Variants in FAM20C observed in about 807,000 individuals in gnomAD.
The protein encoded by FAM20C is FAM20C golgi associated secretory pathway kinase.
In FAM20C, 40 loss-of-function variants were observed where a neutral mutation model predicts 51.5. That is an observed-to-expected ratio of 0.78 (90% confidence interval 0.60 to 1.01). The LOEUF is 1.01. FAM20C is among the 50% of genes least tolerant of loss of function. The pLI, the probability that FAM20C is intolerant of heterozygous loss-of-function variation, is 0.00. For synonymous variants in FAM20C, 406 were observed against 380.6 expected, an observed-to-expected ratio of 1.07 and a Z score of -0.78; for missense variants, 861 against 844.7, an observed-to-expected ratio of 1.02 and a Z score of -0.24.
In FAM20C at chr7:212,569, C is replaced by T. The variant is rs142942917; in HGVS notation, c.863+3593C>T. Among the ~76,000 whole-genome samples the T allele has an allele frequency of 4.9e-3, 745 of 152,036 alleles. 10 individuals are homozygous for T. Among genetic ancestry groups the T allele is most frequent in the Middle Eastern group, 0.017 (5 of 292 alleles). ...ATTAGAGAGCACAGTGTTTCTCCTC[C>T]GAGGTGCTAGATGTGCGGTGAGAGG... On this transcript the variant is annotated intron_variant, in intron 3 of 9. Coordinates refer to ENST00000313766, the MANE Select transcript of FAM20C (RefSeq NM_020223.4).
intron 5 of FAM20C, among the ~76,000 whole-genome samples, chr7:253,189 G>GC (rs1016254758): frequency 4.6e-5 from 7 of 152,224 alleles, no homozygotes; most frequent in African/African-American, 1.7e-4. Context: ...CAGAGCCGCT[G>GC]CCCTAAGTAA....
At chr7:256,796 C>A in intron 7 of FAM20C, 33 bp downstream of exon 7, 1 of 1,523,450 alleles carries the variant, frequency 6.6e-7, no homozygotes, top group South Asian at 1.2e-5. Context: ...GTCCCCGTGT[C>A]ACTCGCCTTG....
rs1255493105 is a variant in FAM20C, at chr7:248,332, G to A, written c.974G>A (p.Arg325Gln). ...FHLDRILDFR[R>Q]VPPVAGRMVN... Reference sequence around the variant, plus strand: ...CTTGCCAGGATCCTGGACTTCCGCCGGGTCCCTCCCGTGGCCGGCAGGATG... The same window carrying A: ...CTTGCCAGGATCCTGGACTTCCGCCAGGTCCCTCCCGTGGCCGGCAGGATG... The change falls in exon 5 of 10, where the codon CGG (arginine) becomes CAG (glutamine). Residue 325 changes from arginine to glutamine, a missense_variant. By Grantham distance (43) the Arg-to-Gln change is conservative (BLOSUM62 1). Coordinates refer to ENST00000313766, the MANE Select transcript of FAM20C (RefSeq NM_020223.4). The A allele has an allele frequency of 2.6e-6, 4 of 1,536,984 alleles. No homozygotes were observed. The South Asian group carries it at 3.6e-5, about 14-fold the overall frequency.
intron 3 of FAM20C, among the ~76,000 whole-genome samples, chr7:245,222 G>A (rs1788104619): frequency 6.6e-6 from 1 of 152,248 alleles, no homozygotes; most frequent in African/African-American, 2.4e-5. Flanking sequence ...CTGGAGTGTT[G>A]GAGCCCAGAC....
At chr7:204,865 C>T (rs1786277668) in intron 2 of FAM20C, among the ~76,000 whole-genome samples, 1 of 151,260 alleles carries the variant, frequency 6.6e-6, no homozygotes, top group Admixed American at 6.6e-5. Context: ...GAAGTGGCAC[C>T]TGTGTGGCTC....
intron 3 of FAM20C, among the ~76,000 whole-genome samples, chr7:242,596 G>A (rs1366389983): frequency 1.3e-5 from 2 of 152,118 alleles, no homozygotes; most frequent in Admixed American, 6.5e-5. Context: ...TGGACAGTGG[G>A]CAGACACCAG....
chr7:213,194 G>A (rs920225817), intron 3 of FAM20C, among the ~76,000 whole-genome samples: 2 of 137,168 alleles, frequency 1.5e-5, no homozygotes, highest in African/African-American at 2.5e-5. Context: ...ATGGACGGCT[G>A]TGGAGTTGTG....
chr7:256,929 C>G (rs1788612384), intron 7 of FAM20C, 76 bp from the exon 8 acceptor site: 3 of 1,490,596 alleles, frequency 2.0e-6, no homozygotes, highest in Non-Finnish European at 2.7e-6. Context: ...AGACGCCGCT[C>G]TGCAGAGCAC....
At chr7:243,661 G>A (rs1788025301) in intron 3 of FAM20C, among the ~76,000 whole-genome samples, 1 of 5,414 alleles carries the variant, frequency 1.8e-4, no homozygotes, top group Non-Finnish European at 2.8e-4. Context: ...TGCCACCCAA[G>A]AGACCTGTGC....
chr7:213,740 T>C (rs1413053841), intron 3 of FAM20C, among the ~76,000 whole-genome samples: 1 of 152,174 alleles, frequency 6.6e-6, no homozygotes, highest in Non-Finnish European at 1.5e-5. Flanking sequence ...GAACTGACTG[T>C]CCGTTTTCTG....
chr7:218,759 C>T (rs1360686279), intron 3 of FAM20C, among the ~76,000 whole-genome samples: 1 of 152,152 alleles, frequency 6.6e-6, no homozygotes, highest in African/African-American at 2.4e-5. Context: ...CTGACACAGG[C>T]CCAGGACGCA....
intron 3 of FAM20C, among the ~76,000 whole-genome samples, chr7:229,821 A>G (rs1003681387): frequency 1.4e-4 from 21 of 152,134 alleles, no homozygotes; most frequent in African/African-American, 2.7e-4. Context: ...TGATGAGAAG[A>G]TTACCCAAGA....
Position 254,504 on chromosome 7 carries a change from C to T in FAM20C, c.1073-1345C>T, listed in dbSNP as rs546676864. Among the ~76,000 whole-genome samples, 205 of 152,346 alleles carry T rather than the reference C, an allele frequency of 1.3e-3. 1 individual carries two copies. The highest frequency in any genetic ancestry group is 4.5e-3 in the African/African-American group (187 of 41,576). ...AATCAGCAAATAAATACAGGAATAG[C>T]GCCGTCGGCCGGGCCTCCAGCATCA... is the stretch of plus-strand genomic sequence containing the variant. On this transcript the variant is annotated intron_variant, in intron 5 of 9. Transcript: ENST00000313766.
chr7:255,723 A>C, intron 5 of FAM20C, 126 bp from the exon 6 acceptor site: 3 of 995,004 alleles, frequency 3.0e-6, no homozygotes, highest in South Asian at 1.5e-5. Flanking sequence ...TTGATGGGGA[A>C]CTGTGGGTGA....
chr7:255,609 C>T lies in FAM20C; in HGVS notation c.1073-240C>T, dbSNP rs1369645173. 3.3e-5 allele frequency among the ~76,000 whole-genome samples: 5 copies of T among 152,280 alleles called. No individual in the cohort carries two copies. The Middle Eastern group carries it at 0.01, about 311-fold the overall frequency. ...TTTCCATAGACCAGCCCCTGATTTTCGAGGGTTCAGGCCGGGCTCTGCCTC... is the reference window on the plus strand; with the variant it reads ...TTTCCATAGACCAGCCCCTGATTTTTGAGGGTTCAGGCCGGGCTCTGCCTC... On this transcript the variant is annotated intron_variant, in intron 5 of 9. Coordinates refer to ENST00000313766, the MANE Select transcript of FAM20C (RefSeq NM_020223.4).
At position 193,517 on chromosome 7, in the gene FAM20C, G is replaced by T; in HGVS notation, c.318G>T (p.Ser106=). The T allele has an allele frequency of 6.7e-7, 1 of 1,501,404 alleles. No homozygotes were observed. Among genetic ancestry groups the T allele is most frequent in the African/African-American group, 1.4e-5 (1 of 69,000 alleles). The allele number at this position is 1,501,404 out of a possible 1,614,324, so 93.0% of individuals were successfully genotyped here. A position where few individuals can be genotyped will look rare whatever the true frequency, so the allele number is the denominator to read the frequency against. ...CCTCCTCCAACCTCTCGTCCCACTCGCTGGAGAAACTGCCGCCCGCGGCCG... is the reference window on the plus strand; with the variant it reads ...CCTCCTCCAACCTCTCGTCCCACTCTCTGGAGAAACTGCCGCCCGCGGCCG... ...SDPSSNLSSH[S]LEKLPPAAEP... is the part of the protein sequence containing the mutation. The change falls in exon 1 of 10, where the codon TCG becomes TCT. Residue 106 remains serine, a synonymous_variant. Transcript: ENST00000313766.
rs1333008356 is a variant in FAM20C, at chr7:257,010, A to G, written c.1369A>G (p.Met457Val). 1.3e-6 allele frequency: 2 copies of G among 1,537,094 alleles called. No homozygotes were observed. Reference protein sequence around the residue: ...MTIFDFLMGNMDRHHYETFEK... With the variant: ...MTIFDFLMGNVDRHHYETFEK... ...CTTTCTGCCTCTCTCCGCAGGAAAC[A>G]TGGACCGTCACCACTACGAGACTTT... The change falls in exon 8 of 10, where the codon ATG (methionine) becomes GTG (valine). Residue 457 changes from methionine (M) to valine (V), a missense_variant. Coordinates refer to ENST00000313766, the MANE Select transcript of FAM20C (RefSeq NM_020223.4).
chr7:231,349 C>T (rs549760978), intron 3 of FAM20C, among the ~76,000 whole-genome samples: 7 of 152,168 alleles, frequency 4.6e-5, no homozygotes, highest in African/African-American at 9.6e-5. Context: ...ATCAGTGGGG[C>T]CCCATGGGAG....
chr7:216,898 C>T (rs1787009866), intron 3 of FAM20C, among the ~76,000 whole-genome samples: 2 of 152,098 alleles, frequency 1.3e-5, no homozygotes, highest in Admixed American at 6.5e-5. Flanking sequence ...AACACATGGC[C>T]CGCTGGGGCC....
Sources: gnomAD v4.1 joint callset for allele counts (sites outside exome capture counted in the v4.1 genomes callset) on GRCh38, gnomAD v4.1.1 for gene constraint, MANE v1.5 for transcripts, NCBI Gene and HGNC (gene_info 2026-07-23, HGNC 2026-07-21) for gene names.